The following PLEKHM3 variants were observed in gnomAD, a reference collection of about 807,000 sequenced individuals.
PLEKHM3 encodes the protein pleckstrin homology domain containing M3, also known as pleckstrin homology domain-containing family M member 3.
PLEKHM3 carries 45 observed loss-of-function variants against 81.8 expected under a neutral mutation model. The ratio of observed to expected loss-of-function variants is 0.55; its 90% confidence interval spans 0.43 to 0.71. The LOEUF (loss-of-function observed/expected upper bound fraction) is 0.71, where lower values mean the gene tolerates loss of function less well. PLEKHM3 is among the 30% of genes least tolerant of loss of function. The pLI, the probability that PLEKHM3 is intolerant of heterozygous loss-of-function variation, is 0.00. For synonymous variants in PLEKHM3, 352 were observed against 356.4 expected, an observed-to-expected ratio of 0.99 and a Z score of 0.14; for missense variants, 788 against 924.3, an observed-to-expected ratio of 0.85 and a Z score of 1.91.
intron 7 of PLEKHM3, among the ~76,000 whole-genome samples, chr2:207,829,891 C>T (rs559735399): frequency 1.6e-3 from 238 of 152,274 alleles, no homozygotes; most frequent in Non-Finnish European, 9.4e-4. Flanking sequence ...GCATTATCTC[C>T]TAGTCTGCCA....
At chr2:207,882,311 G>A (rs1687717621) in intron 6 of PLEKHM3, among the ~76,000 whole-genome samples, 1 of 152,066 alleles carries the variant, frequency 6.6e-6, no homozygotes, top group South Asian at 2.1e-4. Context: ...TCTGAAAACA[G>A]TTATAAAAGG....
chr2:207,961,988 G>A (rs1690751221), intron 3 of PLEKHM3, among the ~76,000 whole-genome samples: 1 of 152,170 alleles, frequency 6.6e-6, no homozygotes, highest in Admixed American at 6.5e-5. Flanking sequence ...ATAACAATTT[G>A]TCTAGTCTTT....
intron 7 of PLEKHM3, among the ~76,000 whole-genome samples, chr2:207,835,676 A>G (rs1258456114): frequency 1.3e-5 from 2 of 152,200 alleles, no homozygotes; most frequent in South Asian, 4.1e-4. Context: ...TTGATTAATC[A>G]AGCTATGAAA....
In PLEKHM3 at chr2:207,946,225, C is replaced by G. The variant is rs1690123374; in HGVS notation, c.1692+142G>C. On this transcript the variant is annotated intron_variant, in intron 4 of 7. Transcript: ENST00000427836. ...TTTCAACTGTGAGATATATAAGAAG[C>G]ATTAGGTAAGGTCTTGCAGCTTTTA... is the stretch of plus-strand genomic sequence containing the variant. 6 of 841,342 alleles carry G rather than the reference C, an allele frequency of 7.1e-6. No individual in the cohort carries two copies. The Admixed American group carries it at 1.4e-4, about 19-fold the overall frequency. 52.1% of individuals were successfully genotyped at this position (841,342 alleles called of 1,614,324 possible).
Position 208,001,192 on chromosome 2 carries a change from A to T in PLEKHM3, c.448T>A (p.Ser150Thr), listed in dbSNP as rs893226274. The T allele has an allele frequency of 6.2e-7, 1 of 1,614,004 alleles. No homozygotes were observed. Among genetic ancestry groups the T allele is most frequent in the Non-Finnish European group, 8.5e-7 (1 of 1,180,020 alleles). The change falls in exon 2 of 8, where the codon TCA becomes ACA. Residue 150 changes from serine (S) to threonine (T), a missense_variant. Coordinates refer to ENST00000427836, the MANE Select transcript of PLEKHM3 (RefSeq NM_001080475.3). ...TCCACTTGGGTAATATCTGATCGTG[A>T]TCGAGCATGCCCTGGCTTGAAAGTT... ...TSTFKPGHAR[S>T]RSDITQVDWR...
At position 207,923,901 on chromosome 2, in the gene PLEKHM3, A is replaced by AT. The variant is rs1422796438; in HGVS notation, c.1886+7024dup. Reference sequence around the variant, plus strand: ...CACACATATATATATATATATATATATATATTTTTTTTTTTTTTTTTTTCT... The same window carrying AT: ...CACACATATATATATATATATATATATTATATTTTTTTTTTTTTTTTTTTCT... On this transcript the variant is annotated intron_variant, in intron 5 of 7. Coordinates refer to ENST00000427836, the MANE Select transcript of PLEKHM3 (RefSeq NM_001080475.3). 8.7e-4 allele frequency among the ~76,000 whole-genome samples: 63 copies of AT among 72,530 alleles called. 1 individual carries two copies. Among genetic ancestry groups the AT allele is most frequent in the Non-Finnish European group, 1.3e-3 (49 of 37,608 alleles). 47.6% of individuals were successfully genotyped at this position (72,530 alleles called of 152,430 possible). A position where few individuals can be genotyped will look rare whatever the true frequency, so the allele number is the denominator to read the frequency against.
chr2:207,907,456 C>T (rs185724140), intron 6 of PLEKHM3, among the ~76,000 whole-genome samples: 171 of 152,132 alleles, frequency 1.1e-3, no homozygotes, highest in African/African-American at 3.9e-3. Context: ...GAGCCAAGAC[C>T]ATGCCACTGC....
chr2:207,943,470 G>A (rs1368521733), intron 4 of PLEKHM3, among the ~76,000 whole-genome samples: 1 of 152,212 alleles, frequency 6.6e-6, no homozygotes, highest in Non-Finnish European at 1.5e-5. Context: ...TGTGTAAGAT[G>A]CAGGATCATA....
chr2:207,913,148 C>G (rs1688862658), intron 5 of PLEKHM3, among the ~76,000 whole-genome samples: 1 of 151,954 alleles, frequency 6.6e-6, no homozygotes, highest in African/African-American at 2.4e-5. Flanking sequence ...GAGGAGTTGT[C>G]TTGGTGGGGG....
chr2:208,016,521 T>C (rs1692919549), intron 1 of PLEKHM3, among the ~76,000 whole-genome samples: 3 of 151,274 alleles, frequency 2.0e-5, no homozygotes, highest in African/African-American at 4.9e-5. Flanking sequence ...TGGTGGCGCA[T>C]GGCTGTGGTC....
At chr2:207,878,099 C>T (rs1245134900) in intron 6 of PLEKHM3, among the ~76,000 whole-genome samples, 2 of 152,056 alleles carry the variant, frequency 1.3e-5, no homozygotes, top group African/African-American at 4.8e-5. Flanking sequence ...CCACCATGCT[C>T]GACTAATTTT....
At chr2:207,955,419 A>G (rs1362984024) in intron 3 of PLEKHM3, among the ~76,000 whole-genome samples, 4 of 152,356 alleles carry the variant, frequency 2.6e-5, no homozygotes, top group South Asian at 4.1e-4. Context: ...ATAAAAATAA[A>G]TAAATAAGAA....
At chr2:207,959,123 TC>T (rs1690638665) in intron 3 of PLEKHM3, among the ~76,000 whole-genome samples, 2 of 152,168 alleles carry the variant, frequency 1.3e-5, no homozygotes, top group African/African-American at 4.8e-5. Flanking sequence ...ATTTTTAAAA[TC>T]TTTATTACAA....
chr2:207,915,849 ATTAAG>A (rs1688975020), intron 5 of PLEKHM3, among the ~76,000 whole-genome samples: 1 of 152,210 alleles, frequency 6.6e-6, no homozygotes, highest in Non-Finnish European at 1.5e-5. Flanking sequence ...GGTAATTTAT[ATTAAG>A]TTGAGATGGC....
At position 208,001,151 on chromosome 2, in the gene PLEKHM3, G is replaced by C. The variant is rs776324545; in HGVS notation, c.489C>G (p.Leu163=). Reference sequence around the variant, plus strand: ...GCTGCTGCTGCAAAGGCGTGGTTTTGAGGACTACCCTCCAGTCCACTTGGG... The same window carrying C: ...GCTGCTGCTGCAAAGGCGTGGTTTTCAGGACTACCCTCCAGTCCACTTGGG... ...DITQVDWRVV[L]KTTPLQQQQQ... The change falls in exon 2 of 8, where the codon CTC becomes CTG. Residue 163 remains leucine, a synonymous_variant. Transcript: ENST00000427836. 2 of 1,613,178 alleles carry C rather than the reference G, an allele frequency of 1.2e-6. No homozygotes were observed. Among genetic ancestry groups the C allele is most frequent in the African/African-American group, 1.3e-5 (1 of 74,992 alleles).
At chr2:207,986,417 C>A (rs990759006) in intron 2 of PLEKHM3, among the ~76,000 whole-genome samples, 2 of 152,128 alleles carry the variant, frequency 1.3e-5, no homozygotes, top group Non-Finnish European at 2.9e-5. Flanking sequence ...AGTTTCTCTA[C>A]AGGCTATCCA....
rs1436361396 is a variant in PLEKHM3 at position 207,841,471 on chromosome 2, AAAAAAAAAAATATATATATATAT to A, written c.2109-12998_2109-12976del. ...CTCAAAAAAAAAAAAAAAAAAAAAA[AAAAAAAAAAATATATATATATAT>A]ATATATATATATATTCACCACCATT... On this transcript the variant is annotated intron_variant, in intron 7 of 7. Transcript: ENST00000427836. 7.8e-3 allele frequency among the ~76,000 whole-genome samples: 416 copies of A among 53,644 alleles called. 14 individuals are homozygous for A. Among genetic ancestry groups the A allele is most frequent in the Non-Finnish European group, 0.012 (346 of 27,700 alleles). 35.2% of individuals were successfully genotyped at this position (53,644 alleles called of 152,430 possible).
intron 3 of PLEKHM3, among the ~76,000 whole-genome samples, chr2:207,970,163 A>G (rs1471011190): frequency 6.6e-6 from 1 of 152,110 alleles, no homozygotes; most frequent in East Asian, 1.9e-4. Flanking sequence ...GCAACCGCTG[A>G]AAAGCTTTGG....
intron 5 of PLEKHM3, among the ~76,000 whole-genome samples, chr2:207,924,030 C>T (rs911634013): frequency 3.3e-5 from 5 of 149,640 alleles, no homozygotes; most frequent in South Asian, 4.3e-4. Flanking sequence ...CTCAGCCTTC[C>T]GAGTAGCTAG....
Sources: gnomAD v4.1 joint callset for allele counts (sites outside exome capture counted in the v4.1 genomes callset) on GRCh38, gnomAD v4.1.1 for gene constraint, MANE v1.5 for transcripts, NCBI Gene and HGNC (gene_info 2026-07-23, HGNC 2026-07-21) for gene names.